Variants in METAP2 observed in about 807,000 individuals in gnomAD.
The protein encoded by METAP2 is methionine aminopeptidase 2.
In METAP2, 25 loss-of-function variants were observed where a neutral mutation model predicts 59.4. The ratio of observed to expected loss-of-function variants is 0.42; its 90% confidence interval spans 0.31 to 0.59. The LOEUF (loss-of-function observed/expected upper bound fraction) is 0.59, where lower values mean the gene tolerates loss of function less well. Among genes scored for constraint, METAP2 ranks in the 20% least tolerant of loss-of-function variants. The pLI is 0.16. For synonymous variants in METAP2, 214 were observed against 194.1 expected, an observed-to-expected ratio of 1.10 and a Z score of -0.85; for missense variants, 366 against 581.2, an observed-to-expected ratio of 0.63 and a Z score of 3.81.
chr12:95,498,571 A>C (rs897049630), intron 7 of METAP2, among the ~76,000 whole-genome samples: 1 of 152,190 alleles, frequency 6.6e-6, no homozygotes, highest in Non-Finnish European at 1.5e-5. Flanking sequence ...CAGGTCTTCA[A>C]CTTAGGTCTT....
intron 3 of METAP2, among the ~76,000 whole-genome samples, chr12:95,485,592 G>C (rs984658915): frequency 6.6e-6 from 1 of 152,052 alleles, no homozygotes; most frequent in African/African-American, 2.4e-5. Context: ...TCCATCTCTA[G>C]TATAGTGAGT....
chr12:95,477,893 A>C (rs2076132057), intron 2 of METAP2, among the ~76,000 whole-genome samples: 1 of 152,220 alleles, frequency 6.6e-6, no homozygotes, highest in Non-Finnish European at 1.5e-5. Flanking sequence ...ACATTGGCTT[A>C]TGCTTTAGAT....
rs146510066 is a variant in METAP2, at chr12:95,474,258, G to A, written c.79G>A (p.Ala27Thr). 3.1e-6 allele frequency: 5 copies of A among 1,614,266 alleles called. No homozygotes were observed. The African/African-American group carries it at 6.7e-5, about 22-fold the overall frequency. The part of the protein sequence containing the change: ...DLDPDDREEG[A>T]ASTAEEAAKK... ...GGATCCAGACGACAGGGAAGAAGGA[G>A]CTGCCTCTACGGCTGAGGAAGCAGC... Residue 27 changes from alanine to threonine, a missense_variant, in exon 1 of 11, where the codon GCT (alanine) becomes ACT (threonine). Coordinates refer to ENST00000323666, the MANE Select transcript of METAP2 (RefSeq NM_006838.4).
At chr12:95,476,539 A>AGAGAGAGAGAGAGAGAGAG (rs773224806) in intron 2 of METAP2, among the ~76,000 whole-genome samples, 66 of 148,578 alleles carry the variant, frequency 4.4e-4, no homozygotes, top group South Asian at 1.3e-3. Flanking sequence ...AGAAAGAAAG[A>AGAGAGAGAGAGAGAGAGAG]AAAGCTAGAA....
At chr12:95,505,062 T>A (rs1356249858) in intron 8 of METAP2, among the ~76,000 whole-genome samples, 1 of 152,224 alleles carries the variant, frequency 6.6e-6, no homozygotes, top group Non-Finnish European at 1.5e-5. Flanking sequence ...CCTGCTGTAA[T>A]AACTTCCTTA....
At chr12:95,501,007 A>ATTTTTTTT (rs540202398) in intron 7 of METAP2, among the ~76,000 whole-genome samples, 2 of 103,564 alleles carry the variant, frequency 1.9e-5, no homozygotes, top group Non-Finnish European at 3.8e-5. Flanking sequence ...CTTTGTTGGG[A>ATTTTTTTT]TTTTTTTTTT....
chr12:95,507,597 T>G (rs1174885105), intron 8 of METAP2, among the ~76,000 whole-genome samples: 1 of 152,244 alleles, frequency 6.6e-6, no homozygotes, highest in African/African-American at 2.4e-5. Context: ...AATTGTTAGC[T>G]CAAACACTGC....
intron 8 of METAP2, among the ~76,000 whole-genome samples, chr12:95,505,704 A>G (rs911112860): frequency 6.6e-5 from 10 of 150,786 alleles, no homozygotes; most frequent in Non-Finnish European, 1.5e-4. Flanking sequence ...CATGTTGGCC[A>G]GGCTGGTCTC....
chr12:95,514,653 T>A lies in METAP2; in HGVS notation c.*749T>A, dbSNP rs2140171168. On this transcript the variant is annotated 3_prime_UTR_variant, in exon 11 of 11. Coordinates refer to ENST00000323666, the MANE Select transcript of METAP2 (RefSeq NM_006838.4). ...AGGAACATTGTGCCAACTCAAAACC[T>A]TGATTTAGTAAAAATCTCAATGTTT... 1 of 152,360 alleles carries A rather than the reference T, an allele frequency of 6.6e-6. No homozygotes were observed. Among genetic ancestry groups the A allele is most frequent in the East Asian group, 1.9e-4 (1 of 5,184 alleles). 9.4% of individuals were successfully genotyped at this position (152,360 alleles called of 1,614,324 possible).
Position 95,512,790 on chromosome 12 carries a change from T to G in METAP2, c.1069-11T>G. The G allele has an allele frequency of 1.3e-6, 2 of 1,493,504 alleles. No homozygotes were observed. The highest frequency in any genetic ancestry group is 1.9e-6 in the Non-Finnish European group (2 of 1,074,200). The allele number at this position is 1,493,504 out of a possible 1,614,324, so 92.5% of individuals were successfully genotyped here. On this transcript the variant is annotated splice_polypyrimidine_tract_variant and intron_variant, in intron 9 of 10. Coordinates refer to ENST00000323666, the MANE Select transcript of METAP2 (RefSeq NM_006838.4). Reference sequence around the variant, plus strand: ...TTCTTTCTCTCCCCTTGACCCTTATTTATTTTTCAGGAAGGAGAAGTATAT... The same window carrying G: ...TTCTTTCTCTCCCCTTGACCCTTATGTATTTTTCAGGAAGGAGAAGTATAT...
In METAP2 at chr12:95,495,070, A is replaced by G. The variant is rs780083857; in HGVS notation, c.704A>G (p.Asn235Ser). The G allele has an allele frequency of 1.9e-5, 30 of 1,613,516 alleles. No individual in the cohort carries two copies. Among genetic ancestry groups the G allele is most frequent in the Non-Finnish European group, 2.3e-5 (27 of 1,179,596 alleles). ...LNNCAAHYTP[N>S]AGDTTVLQYD... The stretch of plus-strand genomic sequence containing the variant: ...AATTGTGCTGCCCATTATACTCCCA[A>G]TGCCGGTGACACAACAGTATTACAG... The change falls in exon 6 of 11, where the codon AAT becomes AGT. Residue 235 changes from asparagine to serine, a missense_variant. This residue lies in a region of METAP2 where 106 missense variants were observed against 221.9 expected (regional missense o/e 0.48). Transcript: ENST00000323666.
chr12:95,511,022 G>C (rs909699256), intron 8 of METAP2, among the ~76,000 whole-genome samples: 2 of 152,064 alleles, frequency 1.3e-5, no homozygotes, highest in Non-Finnish European at 2.9e-5. Context: ...TTTGATTGTT[G>C]AATGTTATTC....
intron 2 of METAP2, 29 bp downstream of exon 2, chr12:95,476,207 A>G (rs544979383): frequency 1.4e-6 from 2 of 1,454,878 alleles, no homozygotes; most frequent in Non-Finnish European, 1.9e-6. Context: ...CTTTGTGGTT[A>G]GAAAAGCTAG....
chr12:95,478,921 T>G (rs2076139740), intron 2 of METAP2, among the ~76,000 whole-genome samples: 1 of 151,428 alleles, frequency 6.6e-6, no homozygotes, highest in Non-Finnish European at 1.5e-5. Flanking sequence ...TTAAGAAATG[T>G]TATGAGCCAA....
chr12:95,492,132 T>TGTG (rs1555191428), intron 4 of METAP2, among the ~76,000 whole-genome samples: 28 of 149,426 alleles, frequency 1.9e-4, no homozygotes, highest in East Asian at 5.9e-4. Context: ...ATATGTGTGT[T>TGTG]TGTGTGTGTG....
chr12:95,489,839 A>G (rs1424539764), intron 4 of METAP2, among the ~76,000 whole-genome samples: 1 of 152,186 alleles, frequency 6.6e-6, no homozygotes, highest in East Asian at 1.9e-4. Flanking sequence ...ACTCTGTCTC[A>G]GAAAAAAACC....
intron 7 of METAP2, among the ~76,000 whole-genome samples, chr12:95,498,132 CA>C (rs550768555): frequency 0.018 from 2,167 of 123,582 alleles, 42 homozygotes; most frequent in African/African-American, 0.047. Flanking sequence ...GACTCCATCT[CA>C]AAAAAAAAAA....
intron 7 of METAP2, among the ~76,000 whole-genome samples, chr12:95,503,388 CA>C (rs1484502957): frequency 6.6e-6 from 1 of 152,062 alleles, no homozygotes; most frequent in Non-Finnish European, 1.5e-5. Flanking sequence ...ATCTGGGCCC[CA>C]GAGGGGGAGA....
chr12:95,494,499 TAAG>T (rs774254904), intron 5 of METAP2, among the ~76,000 whole-genome samples: 1 of 152,158 alleles, frequency 6.6e-6, no homozygotes, highest in Non-Finnish European at 1.5e-5. Flanking sequence ...TACTAAGAAA[TAAG>T]AAAGTATTGG....
Sources: allele counts gnomAD v4.1 joint callset (sites outside exome capture counted in the v4.1 genomes callset), GRCh38; gene constraint gnomAD v4.1.1; regional missense constraint gnomAD v4.1.1; transcripts MANE v1.5; gene names NCBI Gene and HGNC (gene_info 2026-07-23, HGNC 2026-07-21).